Variants in FANCI observed in about 807,000 individuals in gnomAD.
FANCI encodes the protein Fanconi anemia group I protein.
Under a neutral mutation model 176.1 loss-of-function variants are expected in FANCI, and 156 were observed. The observed-to-expected ratio is 0.89, with a 90% CI of 0.78 to 1.01. The LOEUF is 1.01. FANCI is among the 50% of genes least tolerant of loss of function. The pLI is 0.00. For synonymous variants in FANCI, 613 were observed against 541.7 expected, an observed-to-expected ratio of 1.13 and a Z score of -1.83; for missense variants, 1,678 against 1,534.1, an observed-to-expected ratio of 1.09 and a Z score of -1.57.
At chr15:89,314,846 CCCCTT>C in intron 36 of FANCI, 139 bp downstream of exon 36, 7 of 550,754 alleles carry the variant, frequency 1.3e-5, no homozygotes, top group Admixed American at 5.7e-5. Context: ...TCCCCCCCCC[CCCCTT>C]TTTTTTTTTG....
intron 4 of FANCI, 130 bp from the exon 5 acceptor site, chr15:89,261,455 T>C (rs889392725): frequency 8.6e-6 from 10 of 1,163,608 alleles, no homozygotes; most frequent in Non-Finnish European, 1.0e-5. Flanking sequence ...AATGATTCCA[T>C]AAATCCCTTA....
rs143963825 is a variant in FANCI at position 89,296,664 on chromosome 15, C to T, written c.2636+1570C>T. Reference sequence around the variant, plus strand: ...CCACCTTTCCCCCCTTTCTATTCCACAAAACCGCCATTGTCATCGTGGCCC... The same window carrying T: ...CCACCTTTCCCCCCTTTCTATTCCATAAAACCGCCATTGTCATCGTGGCCC... On this transcript the variant is annotated intron_variant, in intron 24 of 37. Transcript: ENST00000310775. 9.6e-3 allele frequency among the ~76,000 whole-genome samples: 1,457 copies of T among 152,292 alleles called. 15 individuals carry two copies. The highest frequency in any genetic ancestry group is 0.032 in the African/African-American group (1,319 of 41,580).
chr15:89,285,050 A>G (rs2053762538), intron 17 of FANCI, 46 bp from the exon 18 acceptor site: 8 of 1,613,112 alleles, frequency 5.0e-6, no homozygotes, highest in Non-Finnish European at 6.8e-6. Context: ...CCTTATTGGA[A>G]ACAGCTTTGG....
Position 89,253,549 on chromosome 15 carries a change from A to G in FANCI, c.85-5155A>G, listed in dbSNP as rs538197133. Among the ~76,000 whole-genome samples, 151 of 145,858 alleles carry G rather than the reference A, an allele frequency of 1.0e-3. 2 individuals are homozygous for G. The highest frequency in any genetic ancestry group is 3.8e-3 in the African/African-American group (143 of 37,734). On this transcript the variant is annotated intron_variant, in intron 2 of 37. Transcript: ENST00000310775. ...TAAATAAATAAATAAATAAATAAGT[A>G]TATGTTAGAAGAAAACATGGATGAA...
intron 27 of FANCI, among the ~76,000 whole-genome samples, chr15:89,303,489 T>G (rs556564684): frequency 6.6e-6 from 1 of 152,186 alleles, no homozygotes; most frequent in East Asian, 1.9e-4. Context: ...ATAGCTAGGT[T>G]TTCTCTTTCC....
chr15:89,289,377 T>C (rs1436387056), intron 18 of FANCI, among the ~76,000 whole-genome samples: 1 of 152,028 alleles, frequency 6.6e-6, no homozygotes, highest in Non-Finnish European at 1.5e-5. Flanking sequence ...GGGTCTCAGC[T>C]CACCACAACC....
At chr15:89,288,126 A>T (rs569113873) in intron 18 of FANCI, among the ~76,000 whole-genome samples, 3 of 152,340 alleles carry the variant, frequency 2.0e-5, no homozygotes, top group African/African-American at 7.2e-5. Flanking sequence ...TTGCAATAAA[A>T]TTAGGTACGC....
At chr15:89,247,509 A>C (rs553399064) in intron 1 of FANCI, 120 bp from the exon 2 acceptor site, 3 of 750,732 alleles carry the variant, frequency 4.0e-6, no homozygotes, top group Non-Finnish European at 7.3e-6. Flanking sequence ...AGATAGTCCT[A>C]AGTTTGTTGA....
chr15:89,266,965 T>G (rs1239829159), intron 9 of FANCI, among the ~76,000 whole-genome samples: 1 of 151,970 alleles, frequency 6.6e-6, no homozygotes. Context: ...GAACTGGGGA[T>G]AAGACTGGAA....
chr15:89,272,040 C>T (rs1002846678), intron 10 of FANCI, among the ~76,000 whole-genome samples: 20 of 152,134 alleles, frequency 1.3e-4, no homozygotes, highest in Admixed American at 1.1e-3. Context: ...TTTTCCAAAA[C>T]GGTATCATTT....
Position 89,283,263 on chromosome 15 carries a change from T to A in FANCI, c.1698+13T>A. 1 of 1,614,032 alleles carries A rather than the reference T, an allele frequency of 6.2e-7. No individual in the cohort carries two copies. The highest frequency in any genetic ancestry group is 8.5e-7 in the Non-Finnish European group (1 of 1,179,934). On this transcript the variant is annotated intron_variant, in intron 17 of 37. Transcript: ENST00000310775. ...CAGTGTCAGTCAGGTAAGGATTATT[T>A]ACGTTAACTTGCAGTGTGTGCGTAT... is the stretch of plus-strand genomic sequence containing the variant.
intron 9 of FANCI, 117 bp from the exon 10 acceptor site, chr15:89,268,282 G>C: frequency 1.9e-6 from 2 of 1,043,758 alleles, no homozygotes; most frequent in East Asian, 2.4e-5. Context: ...TTTAGTAGAG[G>C]CTGGTCTTGA....
rs545402956 is a variant in FANCI at position 89,315,270 on chromosome 15, A to G, written c.3817-12A>G. ...AGTAGGGAGATGTCCCATGCTTACA[A>G]TCTTGTCATAGGTGAACCTGATGCA... On this transcript the variant is annotated splice_polypyrimidine_tract_variant and intron_variant, in intron 36 of 37. Coordinates refer to ENST00000310775, the MANE Select transcript of FANCI (RefSeq NM_001113378.2). 1.4e-5 allele frequency: 22 copies of G among 1,602,946 alleles called. No homozygotes were observed. The highest frequency in any genetic ancestry group is 8.9e-5 in the East Asian group (4 of 44,834).
At chr15:89,281,374 G>C in intron 15 of FANCI, 74 bp downstream of exon 15, 1 of 1,536,812 alleles carries the variant, frequency 6.5e-7, no homozygotes, top group Non-Finnish European at 9.0e-7. Flanking sequence ...ATGCATTTTT[G>C]TATAAATATA....
In FANCI at chr15:89,283,182, C is replaced by T; in HGVS notation, c.1630C>T (p.Leu544=). 1 of 1,614,192 alleles carries T rather than the reference C, an allele frequency of 6.2e-7. No individual in the cohort carries two copies. The highest frequency in any genetic ancestry group is 8.5e-7 in the Non-Finnish European group (1 of 1,180,030). Residue 544 remains leucine (L), a synonymous_variant, in exon 17 of 38, where the codon CTG becomes TTG. Coordinates refer to ENST00000310775, the MANE Select transcript of FANCI (RefSeq NM_001113378.2). ...KSAVAGFLLL[L]KNFKVLGSLS... ...TGCAGTTGCTGGGTTTTTGCTGCTC[C>T]TGAAGAACTTTAAAGTTTTAGGCAG...
In FANCI at chr15:89,252,307, A is replaced by G. The variant is rs972098605; in HGVS notation, c.84+4576A>G. 3.9e-5 allele frequency among the ~76,000 whole-genome samples: 6 copies of G among 152,242 alleles called. No individual in the cohort carries two copies. In the South Asian group the frequency reaches 8.3e-4, roughly 21 times the overall value. On this transcript the variant is annotated intron_variant, in intron 2 of 37. Coordinates refer to ENST00000310775, the MANE Select transcript of FANCI (RefSeq NM_001113378.2). ...CAAAGTGAGATTCCATCTAAAAAAA[A>G]AAAAAAGAAAATATAAAACGTCTCT...
At chr15:89,304,460 A>G (rs112168057) in intron 28 of FANCI, among the ~76,000 whole-genome samples, 26 of 152,360 alleles carry the variant, frequency 1.7e-4, no homozygotes, top group African/African-American at 5.1e-4. Flanking sequence ...AAATTAGACA[A>G]AATTTATCTG....
chr15:89,295,234 G>A, intron 24 of FANCI, 140 bp downstream of exon 24: 1 of 990,964 alleles, frequency 1.0e-6, no homozygotes, highest in Non-Finnish European at 1.4e-6. Context: ...TAGCCAGGTG[G>A]CAGGCACTTG....
At chr15:89,309,940 TAG>T (rs1224313297) in intron 34 of FANCI, among the ~76,000 whole-genome samples, 1 of 152,228 alleles carries the variant, frequency 6.6e-6, no homozygotes, top group Non-Finnish European at 1.5e-5. Context: ...AGGTAATGCT[TAG>T]AGAACCTCTA....
Sources: gnomAD v4.1 joint callset for allele counts (sites outside exome capture counted in the v4.1 genomes callset) on GRCh38, gnomAD v4.1.1 for gene constraint, MANE v1.5 for transcripts, NCBI Gene and HGNC (gene_info 2026-07-23, HGNC 2026-07-21) for gene names.